TMEM242: variants seen among roughly 807,000 people sequenced by gnomAD.
TMEM242 encodes UPF0463 transmembrane protein C6orf35.
TMEM242 carries 10 observed loss-of-function variants against 18.2 expected under a neutral mutation model. The ratio of observed to expected loss-of-function variants is 0.55; its 90% CI spans 0.34 to 0.93. TMEM242 has a LOEUF of 0.93. Ranked by LOEUF, TMEM242 falls within the 40% of genes least tolerant of loss-of-function variation. The probability of loss-of-function intolerance (pLI) is 0.02; values close to 1 mark genes in which losing one functional copy is unlikely to be tolerated. For missense variants in TMEM242, 186 were observed against 175.5 expected (o/e 1.06, Z -0.34); for synonymous variants, 57 against 69.9 (o/e 0.81, Z 0.92).
At chr6:157,310,149 C>T (rs1392765289) in intron 3 of TMEM242, among the ~76,000 whole-genome samples, 5 of 152,208 alleles carry the variant, frequency 3.3e-5, no homozygotes, top group Non-Finnish European at 7.3e-5. Context: ...CAGAATCCTT[C>T]AAGTATCAAC....
At chr6:157,312,203 C>T (rs201819526) in intron 3 of TMEM242, among the ~76,000 whole-genome samples, 1 of 148,218 alleles carries the variant, frequency 6.7e-6, no homozygotes, top group Non-Finnish European at 1.5e-5. Flanking sequence ...CCAGTGTGCA[C>T]TGAGCTAGCG....
At chr6:157,308,473 G>T (rs1419682587) in intron 3 of TMEM242, among the ~76,000 whole-genome samples, 2 of 152,158 alleles carry the variant, frequency 1.3e-5, no homozygotes, top group Admixed American at 1.3e-4. Flanking sequence ...CTAGAGGAAA[G>T]ATACAATATT....
At chr6:157,307,951 A>G (rs782524521) in intron 3 of TMEM242, among the ~76,000 whole-genome samples, 1 of 152,186 alleles carries the variant, frequency 6.6e-6, no homozygotes, top group African/African-American at 2.4e-5. Context: ...AAGCACTGAA[A>G]TTAGATTAGG....
At position 157,292,655 on chromosome 6, in the gene TMEM242, A is replaced by G. The variant is rs782413644; in HGVS notation, c.*246T>C. The G allele has an allele frequency of 2.0e-5, 7 of 357,396 alleles. No homozygotes were observed. The highest frequency in any genetic ancestry group is 3.5e-5 in the Non-Finnish European group (7 of 199,852). The allele number at this position is 357,396 out of a possible 1,614,324, so 22.1% of individuals were successfully genotyped here. A position where few individuals can be genotyped will look rare whatever the true frequency, so the allele number is the denominator to read the frequency against. On this transcript the variant is annotated 3_prime_UTR_variant, in exon 4 of 4. Transcript: ENST00000400788. Reference sequence around the variant, plus strand: ...TCATTTCCTATGGGGTCCCCTCCACATAAGGAAGTTATTCCTGTAATTACT... The same window carrying G: ...TCATTTCCTATGGGGTCCCCTCCACGTAAGGAAGTTATTCCTGTAATTACT...
At position 157,292,308 on chromosome 6, in the gene TMEM242, G is replaced by A. The variant is rs1439395465; in HGVS notation, c.*593C>T. ...TTTGTTTTAAGTATAAGAATTTATAGGGCCTTCAAGCAAGGGCATCAGGTA... is the reference window on the plus strand; with the variant it reads ...TTTGTTTTAAGTATAAGAATTTATAAGGCCTTCAAGCAAGGGCATCAGGTA... On this transcript the variant is annotated 3_prime_UTR_variant, in exon 4 of 4. Transcript: ENST00000400788. 6 of 152,190 alleles carry A rather than the reference G, an allele frequency of 3.9e-5. No individual in the cohort carries two copies. Among genetic ancestry groups the A allele is most frequent in the African/African-American group, 1.4e-4 (6 of 41,426 alleles). 9.4% of individuals were successfully genotyped at this position (152,190 alleles called of 1,614,324 possible).
intron 3 of TMEM242, among the ~76,000 whole-genome samples, chr6:157,312,091 C>CCAG (rs1778152892): frequency 1.7e-5 from 2 of 115,306 alleles, no homozygotes; most frequent in African/African-American, 3.4e-5. Context: ...ACATAGTGCC[C>CCAG]TAGTGTCCCC....
intron 2 of TMEM242, among the ~76,000 whole-genome samples, chr6:157,320,468 TTTTA>T (rs1371073201): frequency 5.3e-5 from 8 of 152,316 alleles, no homozygotes; most frequent in Non-Finnish European, 7.3e-5. Flanking sequence ...TTTGTTAGTC[TTTTA>T]TTTATTTATA....
chr6:157,302,735 C>T (rs146187892), intron 3 of TMEM242, among the ~76,000 whole-genome samples: 4,930 of 152,314 alleles, frequency 0.032, 130 homozygotes, highest in Admixed American at 0.047. Flanking sequence ...ACTTCCTATC[C>T]TAGGTGGCTC....
In TMEM242 at chr6:157,304,494, G is replaced by A. The variant is rs5881205; in HGVS notation, c.328-11495C>T. ...AAAAAAAAAAAAAAAAAAAAAAAGA[G>A]AGAGAGAGAGAGTGCCACTGAAATG... On this transcript the variant is annotated intron_variant, in intron 3 of 3. Transcript: ENST00000400788. Among the ~76,000 whole-genome samples, 304 of 75,684 alleles carry A rather than the reference G, an allele frequency of 4.0e-3. 5 individuals carry two copies. Among genetic ancestry groups the A allele is most frequent in the East Asian group, 0.013 (25 of 1,948 alleles). The allele number at this position is 75,684 out of a possible 152,430, so 49.7% of individuals were successfully genotyped here.
At chr6:157,309,367 A>C (rs1777960783) in intron 3 of TMEM242, among the ~76,000 whole-genome samples, 1 of 152,016 alleles carries the variant, frequency 6.6e-6, no homozygotes, top group Non-Finnish European at 1.5e-5. Flanking sequence ...AAGGTCCTCA[A>C]TATATATACG....
At chr6:157,313,096 C>T (rs1583570877) in intron 3 of TMEM242, among the ~76,000 whole-genome samples, 1 of 122,656 alleles carries the variant, frequency 8.2e-6, no homozygotes, top group African/African-American at 3.1e-5. Context: ...CTGGCCTCAT[C>T]AAAGTGTCCC....
intron 3 of TMEM242, among the ~76,000 whole-genome samples, chr6:157,294,772 T>C (rs1177387790): frequency 6.6e-6 from 1 of 152,238 alleles, no homozygotes; most frequent in Non-Finnish European, 1.5e-5. Context: ...GTTTGGGACT[T>C]GTAAATCCTA....
In TMEM242 at chr6:157,318,894, G is replaced by T. The variant is rs188548242; in HGVS notation, c.215C>A (p.Pro72Gln). The T allele has an allele frequency of 6.2e-7, 1 of 1,609,706 alleles. No individual in the cohort carries two copies. The highest frequency in any genetic ancestry group is 1.1e-5 in the South Asian group (1 of 90,032). ...NKGSMATAAL[P>Q]ESGSSLALRA... ...CAAGGCAAGGGAAGACCCGCTTTCCGGTAATGCAGCCGTGGCCATACTTCC... is the reference window on the plus strand; with the variant it reads ...CAAGGCAAGGGAAGACCCGCTTTCCTGTAATGCAGCCGTGGCCATACTTCC... Residue 72 changes from proline (P) to glutamine (Q), a missense_variant, in exon 3 of 4, where the codon CCG becomes CAG. Physicochemically the swap from Pro to Gln is moderately conservative, Grantham distance 76. Transcript: ENST00000400788.
At chr6:157,297,841 G>A (rs979364949) in intron 3 of TMEM242, among the ~76,000 whole-genome samples, 4 of 152,190 alleles carry the variant, frequency 2.6e-5, no homozygotes, top group South Asian at 2.1e-4. Flanking sequence ...TTAGGAAAGC[G>A]AATGTGAATT....
intron 3 of TMEM242, among the ~76,000 whole-genome samples, chr6:157,296,546 G>C (rs1279124905): frequency 6.6e-6 from 1 of 152,208 alleles, no homozygotes; most frequent in African/African-American, 2.4e-5. Context: ...AGCCAGGCAT[G>C]GTGGCGCACG....
intron 3 of TMEM242, among the ~76,000 whole-genome samples, chr6:157,297,612 T>C (rs587708080): frequency 1.3e-5 from 2 of 152,324 alleles, no homozygotes; most frequent in Non-Finnish European, 1.5e-5. Context: ...CATTTCTAGA[T>C]GTTTTCAATA....
chr6:157,312,220 T>C (rs1487294202), intron 3 of TMEM242, among the ~76,000 whole-genome samples: 2 of 147,532 alleles, frequency 1.4e-5, no homozygotes, highest in East Asian at 2.1e-4. Context: ...AGCGTCATCA[T>C]AGTGCCCCAG....
At chr6:157,301,552 T>C (rs1418462675) in intron 3 of TMEM242, among the ~76,000 whole-genome samples, 1 of 152,186 alleles carries the variant, frequency 6.6e-6, no homozygotes, top group Non-Finnish European at 1.5e-5. Context: ...TCTCAGGTGA[T>C]CTGCCTGTCT....
At chr6:157,315,277 G>A (rs1167993279) in intron 3 of TMEM242, among the ~76,000 whole-genome samples, 1 of 152,226 alleles carries the variant, frequency 6.6e-6, no homozygotes, top group Non-Finnish European at 1.5e-5. Flanking sequence ...AAGTCAACAG[G>A]TAAGGTTTAC....
Sources: allele counts gnomAD v4.1 joint callset (sites outside exome capture counted in the v4.1 genomes callset), GRCh38; gene constraint gnomAD v4.1.1; transcripts MANE v1.5; gene names NCBI Gene and HGNC (gene_info 2026-07-23, HGNC 2026-07-21).